FAM83C: variants seen among roughly 807,000 people sequenced by gnomAD.
FAM83C encodes the protein scaffolding CK1 anchoring protein C.
A neutral mutation model predicts 27.1 loss-of-function variants in FAM83C; 23 were observed. The observed-to-expected ratio is 0.85, with a 90% CI of 0.61 to 1.20. The LOEUF (loss-of-function observed/expected upper bound fraction) is 1.20. FAM83C is among the 50% of genes most tolerant of loss of function. The probability of loss-of-function intolerance (pLI) is 0.00; values close to 1 mark genes in which losing one functional copy is unlikely to be tolerated. For synonymous variants in FAM83C, 426 were observed against 423.1 expected (o/e 1.01, Z -0.09); for missense variants, 984 against 1,001.3 (o/e 0.98, Z 0.23).
Position 35,292,041 on chromosome 20 carries a change from GC to G in FAM83C, c.263del (p.Gly88AlafsTer36). 3 of 1,612,906 alleles carry G rather than the reference GC, an allele frequency of 1.9e-6. No homozygotes were observed. The highest frequency in any genetic ancestry group is 2.5e-6 in the Non-Finnish European group (3 of 1,179,990). On this transcript the variant is annotated frameshift_variant, in exon 1 of 4. Transcript: ENST00000374408. LOFTEE classifies it high-confidence loss of function. ...GCCCCTGAGCCTCGCTGAGCTCAGG[GC>G]CCCCGCGCACATGGCTGGTCATGTA... ...VDYMTSHVRGGPELSEAQGQE... is the reference protein window; with the variant it reads ...VDYMTSHVRGXPELSEAQGQE...
Position 35,286,746 on chromosome 20 carries a change from C to T in FAM83C, c.2033G>A (p.Ser678Asn). 1 of 1,614,234 alleles carries T rather than the reference C, an allele frequency of 6.2e-7. No individual in the cohort carries two copies. The highest frequency in any genetic ancestry group is 8.5e-7 in the Non-Finnish European group (1 of 1,180,044). Reference sequence around the variant, plus strand: ...ATACTTGGTGATGAGGTCCAGCTTGCTGTGGCCCAGGGTTAGCCGTTTCTC... The same window carrying T: ...ATACTTGGTGATGAGGTCCAGCTTGTTGTGGCCCAGGGTTAGCCGTTTCTC... ...GDEKRLTLGHSKLDLITKYHQ... is the reference protein window; with the variant it reads ...GDEKRLTLGHNKLDLITKYHQ... Residue 678 changes from serine (S) to asparagine (N), a missense_variant, in exon 4 of 4, where the codon AGC (serine) becomes AAC (asparagine). Ser to Asn is a conservative substitution (Grantham distance 46, BLOSUM62 1). Transcript: ENST00000374408.
intron 1 of FAM83C, 65 bp downstream of exon 1, chr20:35,291,727 C>T: frequency 6.3e-7 from 1 of 1,599,960 alleles, no homozygotes; most frequent in African/African-American, 1.3e-5. Context: ...TGGGCTGGTC[C>T]CTTCCCTCTC....
rs367946141 is a variant in FAM83C at position 35,287,853 on chromosome 20, C to G, written c.926G>C (p.Gly309Ala). 1 of 1,568,816 alleles carries G rather than the reference C, an allele frequency of 6.4e-7. No homozygotes were observed. Among genetic ancestry groups the G allele is most frequent in the Non-Finnish European group, 8.6e-7 (1 of 1,156,242 alleles). ...CLYAESQPVE[G>A]FCGGEDPLSP... The stretch of plus-strand genomic sequence containing the variant: ...CAGCGGGTCCTCACCGCCACAGAAG[C>G]CCTCCACAGGCTGCGACTCAGCGTA... Residue 309 changes from glycine (G) to alanine (A), a missense_variant, in exon 4 of 4, where the codon GGC (glycine) becomes GCC (alanine). By Grantham distance (60) the Gly-to-Ala change is moderately conservative. Transcript: ENST00000374408.
At chr20:35,289,429 C>G (rs1006082144) in intron 1 of FAM83C, among the ~76,000 whole-genome samples, 2 of 151,980 alleles carry the variant, frequency 1.3e-5, no homozygotes, top group Non-Finnish European at 2.9e-5. Context: ...CAACCTCTGC[C>G]TTCTGGGTTC....
Position 35,286,390 on chromosome 20 carries a change from CAAG to C in FAM83C, c.*142_*144del. The C allele has an allele frequency of 1.6e-6, 1 of 630,206 alleles. No individual in the cohort carries two copies. Among genetic ancestry groups the C allele is most frequent in the African/African-American group, 2.0e-5 (1 of 49,460 alleles). The allele number at this position is 630,206 out of a possible 1,614,324, so 39.0% of individuals were successfully genotyped here. Reference sequence around the variant, plus strand: ...GTGTGTGTGTGTGTGTGTGTGTACACAAGAATCTTGAGCCCAGAGAGTGTGTCT... The same window carrying C: ...GTGTGTGTGTGTGTGTGTGTGTACACAATCTTGAGCCCAGAGAGTGTGTCT... On this transcript the variant is annotated 3_prime_UTR_variant, in exon 4 of 4. Coordinates refer to ENST00000374408, the MANE Select transcript of FAM83C (RefSeq NM_178468.6).
chr20:35,292,176 C>A lies in FAM83C; in HGVS notation c.129G>T (p.Glu43Asp). The A allele has an allele frequency of 6.3e-7, 1 of 1,596,912 alleles. No homozygotes were observed. Among genetic ancestry groups the A allele is most frequent in the Non-Finnish European group, 8.5e-7 (1 of 1,179,046 alleles). The change falls in exon 1 of 4, where the codon GAG becomes GAT. Residue 43 changes from glutamate to aspartate, a missense_variant. Transcript: ENST00000374408. ...ESSPLVLRHS[E>D]AARLAADALL... ...GGGCGTCGGCCGCCAGCCGAGCCGC[C>A]TCGCTGTGCCGCAGCACCAGCGGTG...
At position 35,288,807 on chromosome 20, in the gene FAM83C, T is replaced by C. The variant is rs1275167570; in HGVS notation, c.665A>G (p.Asn222Ser). ...CTCACTGACCGGCAGGTGCTCCCCA[T>C]TGAGGTCCATCTTGTAGCACATCTC... is the stretch of plus-strand genomic sequence containing the variant. ...FLEMCYKMDL[N>S]GEHLPNMRVR... Residue 222 changes from asparagine (N) to serine (S), a missense_variant, in exon 2 of 4, where the codon AAT becomes AGT. By Grantham distance (46) the Asn-to-Ser change is conservative. Transcript: ENST00000374408. 1 of 1,585,852 alleles carries C rather than the reference T, an allele frequency of 6.3e-7. No individual in the cohort carries two copies. Among genetic ancestry groups the C allele is most frequent in the East Asian group, 2.3e-5 (1 of 43,082 alleles).
At chr20:35,288,707 G>T in intron 2 of FAM83C, 84 bp downstream of exon 2, 3 of 1,532,282 alleles carry the variant, frequency 2.0e-6, no homozygotes, top group Middle Eastern at 1.7e-4. Flanking sequence ...GTGCCCCCCA[G>T]TGCTGACTGG....
intron 2 of FAM83C, 76 bp from the exon 3 acceptor site, chr20:35,288,661 C>A (rs2060837548): frequency 6.3e-7 from 1 of 1,582,394 alleles, no homozygotes; most frequent in Non-Finnish European, 8.6e-7. Context: ...GGGTCTCTAA[C>A]CCCAGACAGC....
rs1220530784 is a variant in FAM83C, at chr20:35,286,467, G to T, written c.*68C>A. On this transcript the variant is annotated 3_prime_UTR_variant, in exon 4 of 4. Coordinates refer to ENST00000374408, the MANE Select transcript of FAM83C (RefSeq NM_178468.6). Reference sequence around the variant, plus strand: ...CTTCCCCAGTCTGGGACCTGAGCAAGTCCAGAGTCTCGGTGGACAGAGGAG... The same window carrying T: ...CTTCCCCAGTCTGGGACCTGAGCAATTCCAGAGTCTCGGTGGACAGAGGAG... 5 of 1,474,986 alleles carry T rather than the reference G, an allele frequency of 3.4e-6. No homozygotes were observed. In the East Asian group the frequency reaches 9.1e-5, roughly 27 times the overall value. The allele number at this position is 1,474,986 out of a possible 1,614,324, so 91.4% of individuals were successfully genotyped here.
Position 35,292,152 on chromosome 20 carries a change from G to A in FAM83C, c.153C>T (p.Ala51=), listed in dbSNP as rs2060849218. 2 of 1,598,472 alleles carry A rather than the reference G, an allele frequency of 1.3e-6. No homozygotes were observed. Among genetic ancestry groups the A allele is most frequent in the South Asian group, 1.1e-5 (1 of 91,016 alleles). Residue 51 remains alanine (A), a synonymous_variant, in exon 1 of 4, where the codon GCC becomes GCT. Transcript: ENST00000374408. ...HSEAARLAAD[A]LLERGEAAYL... is the part of the protein sequence containing the mutation. The stretch of plus-strand genomic sequence containing the variant: ...AGGCAGCCTCACCCCGCTCCAGGAG[G>A]GCGTCGGCCGCCAGCCGAGCCGCCT...
intron 1 of FAM83C, among the ~76,000 whole-genome samples, chr20:35,290,107 C>G (rs976728788): frequency 2.6e-5 from 4 of 152,210 alleles, no homozygotes; most frequent in African/African-American, 9.7e-5. Flanking sequence ...CCTGTGAAGC[C>G]ACAGAGGTCT....
chr20:35,288,754 C>A, intron 2 of FAM83C, 37 bp downstream of exon 2: 1 of 1,578,222 alleles, frequency 6.3e-7, no homozygotes, highest in South Asian at 1.2e-5. Context: ...TGACTCCCCG[C>A]CCACACCCCT....
Position 35,287,281 on chromosome 20 carries a change from A to G in FAM83C, c.1498T>C (p.Ser500Pro), listed in dbSNP as rs753026637. 1.2e-6 allele frequency: 2 copies of G among 1,613,324 alleles called. No homozygotes were observed. The highest frequency in any genetic ancestry group is 1.7e-6 in the Non-Finnish European group (2 of 1,180,012). The change falls in exon 4 of 4, where the codon TCT becomes CCT. Residue 500 changes from serine to proline, a missense_variant. Coordinates refer to ENST00000374408, the MANE Select transcript of FAM83C (RefSeq NM_178468.6). ...AGCTGGCCACGGCTCTGACTTGGAG[A>G]TGCCTTCTTCTCCTTCTCCTCCACT... ...ETVEEKEKKA[S>P]PSQSRGQLDL...
intron 1 of FAM83C, among the ~76,000 whole-genome samples, chr20:35,290,255 C>G (rs1057411996): frequency 1.3e-5 from 2 of 152,222 alleles, no homozygotes; most frequent in African/African-American, 2.4e-5. Context: ...GCCCCTGAAA[C>G]CTTCTTGGCA....
At position 35,287,833 on chromosome 20, in the gene FAM83C, G is replaced by C; in HGVS notation, c.946C>G (p.Pro316Ala). 1.3e-6 allele frequency: 2 copies of C among 1,570,696 alleles called. No homozygotes were observed. The highest frequency in any genetic ancestry group is 8.6e-7 in the Non-Finnish European group (1 of 1,156,110). ...PVEGFCGGED[P>A]LSPRALRPPP... ...GGACGCAGTGCCCGGGGAGACAGCG[G>C]GTCCTCACCGCCACAGAAGCCCTCC... The change falls in exon 4 of 4, where the codon CCG becomes GCG. Residue 316 changes from proline to alanine, a missense_variant. Coordinates refer to ENST00000374408, the MANE Select transcript of FAM83C (RefSeq NM_178468.6).
At position 35,291,915 on chromosome 20, in the gene FAM83C, C is replaced by G; in HGVS notation, c.390G>C (p.Leu130=). The part of the protein sequence containing the change: ...ASDIDPPDLD[L]GWPEVPQATG... ...TGGCCTGTGGCACCTCGGGCCAGCC[C>G]AGGTCCAGGTCTGGGGGGTCTATGT... The change falls in exon 1 of 4, where the codon CTG becomes CTC. Residue 130 remains leucine (L), a synonymous_variant. Coordinates refer to ENST00000374408, the MANE Select transcript of FAM83C (RefSeq NM_178468.6). The G allele has an allele frequency of 6.2e-7, 1 of 1,612,608 alleles. No homozygotes were observed. The highest frequency in any genetic ancestry group is 8.5e-7 in the Non-Finnish European group (1 of 1,178,752).
chr20:35,286,907 A>G lies in FAM83C; in HGVS notation c.1872T>C (p.Asp624=), dbSNP rs554742118. ...TGTGCCCCAGGGTCTGCCGCCGCTC[A>G]TCTGGTGCCCGTCTGGCAGGTCTGG... ...SSARPARRAP[D]ERRQTLGHSQ... The change falls in exon 4 of 4, where the codon GAT becomes GAC. Residue 624 remains aspartate (D), a synonymous_variant. Coordinates refer to ENST00000374408, the MANE Select transcript of FAM83C (RefSeq NM_178468.6). The G allele has an allele frequency of 6.2e-6, 10 of 1,614,004 alleles. No homozygotes were observed. The South Asian group carries it at 7.7e-5, about 12-fold the overall frequency.
Position 35,286,803 on chromosome 20 carries a change from GGGCTT to G in FAM83C, c.1971_1975del (p.Ser658CysfsTer11). ...AGACCCAGCTCCAGCCGTGCGAGCAGGGCTTGATATCGGGAGACCATTGGGCCCAG... is the reference window on the plus strand; with the variant it reads ...AGACCCAGCTCCAGCCGTGCGAGCAGGATATCGGGAGACCATTGGGCCCAG... On this transcript the variant is annotated frameshift_variant, in exon 4 of 4. Coordinates refer to ENST00000374408, the MANE Select transcript of FAM83C (RefSeq NM_178468.6). LOFTEE classifies it high-confidence loss of function. The G allele has an allele frequency of 6.2e-7, 1 of 1,614,144 alleles. No individual in the cohort carries two copies. Among genetic ancestry groups the G allele is most frequent in the Non-Finnish European group, 8.5e-7 (1 of 1,180,014 alleles).
Sources: gnomAD v4.1 joint callset for allele counts (sites outside exome capture counted in the v4.1 genomes callset) on GRCh38, gnomAD v4.1.1 for gene constraint, MANE v1.5 for transcripts, NCBI Gene and HGNC (gene_info 2026-07-23, HGNC 2026-07-21) for gene names.